SHOX2: variants seen among roughly 807,000 people sequenced by gnomAD.
The protein encoded by SHOX2 is SHOX homeobox 2.
A neutral mutation model predicts 31.3 loss-of-function variants in SHOX2; 13 were observed. The ratio of observed to expected loss-of-function variants is 0.42; its 90% CI spans 0.27 to 0.66. The LOEUF is 0.66. Ranked by LOEUF, SHOX2 falls within the 30% of genes least tolerant of loss-of-function variation. The pLI is 0.27. For synonymous variants in SHOX2, 244 were observed against 196.2 expected (o/e 1.24, Z -2.04); for missense variants, 473 against 443.0 (o/e 1.07, Z -0.61).
intron 1 of SHOX2, chr3:158,105,023 T>TCCCCCCCCCCCCCCACCCCCCCCC: frequency 4.9e-6 from 1 of 204,910 alleles, no homozygotes; most frequent in Non-Finnish European, 9.0e-6. Flanking sequence ...GATCCCCACC[T>TCCCCCCCCCCCCCCACCCCCCCCC]CCCCCGCCGC....
chr3:158,099,790 G>T (rs561460082), intron 4 of SHOX2, 70 bp downstream of exon 4: 3 of 1,135,400 alleles, frequency 2.6e-6, no homozygotes, highest in Non-Finnish European at 4.0e-6. Context: ...GACAGGTGAT[G>T]TTCAACAGTT....
chr3:158,100,004 G>T, intron 3 of SHOX2, 56 bp from the exon 4 acceptor site: 1 of 1,404,256 alleles, frequency 7.1e-7, no homozygotes, highest in Non-Finnish European at 1.0e-6. Context: ...GCATTTTTCA[G>T]GGTTCCAAAG....
At position 158,104,819 on chromosome 3, in the gene SHOX2, T is replaced by C. The variant is rs182548940; in HGVS notation, c.346+860A>G. ...CCACATATTTTCTTAATTGGAAAAA[T>C]ATGGCAGTACACCAGTTACTGCAGG... is the stretch of plus-strand genomic sequence containing the variant. On this transcript the variant is annotated intron_variant, in intron 1 of 4. Transcript: ENST00000483851. Among the ~76,000 whole-genome samples, 40 of 152,270 alleles carry C rather than the reference T, an allele frequency of 2.6e-4. 1 individual carries two copies. Among genetic ancestry groups the C allele is most frequent in the African/African-American group, 9.6e-4 (40 of 41,540 alleles).
chr3:158,106,144 G>C lies in SHOX2; in HGVS notation c.-120C>G. On this transcript the variant is annotated 5_prime_UTR_variant, in exon 1 of 5. Transcript: ENST00000483851. The stretch of plus-strand genomic sequence containing the variant: ...ATAACACATCAATGGGACAGGAGGT[G>C]GGGGAGGAGAGGGAGGAGGAGAAAG... 6.7e-7 allele frequency: 1 copy of C among 1,488,960 alleles called. No homozygotes were observed. The highest frequency in any genetic ancestry group is 9.0e-7 in the Non-Finnish European group (1 of 1,109,490). The allele number at this position is 1,488,960 out of a possible 1,614,324, so 92.2% of individuals were successfully genotyped here.
intron 1 of SHOX2, chr3:158,105,326 G>C (rs1713819589): frequency 1.7e-6 from 1 of 587,676 alleles, no homozygotes. Flanking sequence ...ACCCCCTCCT[G>C]CAGCCCGGCC....
chr3:158,105,910 C>G lies in SHOX2; in HGVS notation c.115G>C (p.Glu39Gln), dbSNP rs772067593. ...CCCGCCTCGGTGCAGCCGGTCGGCT[C>G]CTTGGCCCCGCGCAGCGGCCCGCTC... Reference protein sequence around the residue: ...LESGPLRGAKEPTGCTEAGRD... With the variant: ...LESGPLRGAKQPTGCTEAGRD... The change falls in exon 1 of 5, where the codon GAG becomes CAG. Residue 39 changes from glutamate to glutamine, a missense_variant. By Grantham distance (29) the Glu-to-Gln change is conservative. This residue lies in a region of SHOX2 where 276 missense variants were observed against 230.0 expected (regional missense o/e 1.20). Transcript: ENST00000483851. The G allele has an allele frequency of 1.4e-5, 22 of 1,602,800 alleles. No individual in the cohort carries two copies. In the South Asian group the frequency reaches 2.3e-4, roughly 17 times the overall value.
intron 1 of SHOX2, chr3:158,103,563 C>A (rs148215002): frequency 6.5e-6 from 1 of 152,726 alleles, no homozygotes; most frequent in Non-Finnish European, 1.5e-5. Context: ...CCCTGGACAG[C>A]CAGGTAATCT....
rs760193324 is a variant in SHOX2 at position 158,105,857 on chromosome 3, G to A, written c.168C>T (p.Val56=). 3 of 1,456,552 alleles carry A rather than the reference G, an allele frequency of 2.1e-6. No homozygotes were observed. The highest frequency in any genetic ancestry group is 2.7e-6 in the Non-Finnish European group (3 of 1,109,526). The allele number at this position is 1,456,552 out of a possible 1,614,324, so 90.2% of individuals were successfully genotyped here. ...AGRDDRSSPA[V]RAAGGGGGGG... ...CGCCGCCGCCTCCGCCGGCCGCCCG[G>A]ACTGCCGGGCTGCTGCGGTCGTCGC... Residue 56 remains valine (V), a synonymous_variant, in exon 1 of 5, where the codon GTC becomes GTT. Coordinates refer to ENST00000483851, the MANE Select transcript of SHOX2 (RefSeq NM_001163678.2).
In SHOX2 at chr3:158,095,945, A is replaced by C. The variant is rs1713037562; in HGVS notation, c.*2082T>G. The stretch of plus-strand genomic sequence containing the variant: ...TATATTCGAGAGAGTGATACGCATT[A>C]ATCAAAAGGGAAAGACTATCCCGGA... On this transcript the variant is annotated 3_prime_UTR_variant, in exon 5 of 5. Transcript: ENST00000483851. 6.6e-6 allele frequency: 1 copy of C among 152,574 alleles called. No individual in the cohort carries two copies. Among genetic ancestry groups the C allele is most frequent in the Non-Finnish European group, 1.5e-5 (1 of 68,044 alleles). 9.5% of individuals were successfully genotyped at this position (152,574 alleles called of 1,614,324 possible).
chr3:158,105,642 A>T, intron 1 of SHOX2, 37 bp downstream of exon 1: 1 of 1,495,830 alleles, frequency 6.7e-7, no homozygotes, highest in Non-Finnish European at 8.9e-7. Flanking sequence ...GGAAGGCGGG[A>T]AGGGGAACCG....
rs761506278 is a variant in SHOX2, at chr3:158,106,035, C to G, written c.-11G>C. 1.9e-6 allele frequency: 3 copies of G among 1,612,284 alleles called. No homozygotes were observed. The highest frequency in any genetic ancestry group is 2.2e-5 in the South Asian group (2 of 91,082). On this transcript the variant is annotated 5_prime_UTR_variant, in exon 1 of 5. Coordinates refer to ENST00000483851, the MANE Select transcript of SHOX2 (RefSeq NM_001163678.2). ...CGTAAGTTCTTCCATCGCCGCCGCACGTCAGCCCGGCGCTCAACCTCTGCC... is the reference window on the plus strand; with the variant it reads ...CGTAAGTTCTTCCATCGCCGCCGCAGGTCAGCCCGGCGCTCAACCTCTGCC...
In SHOX2 at chr3:158,096,924, A is replaced by ATATATATATATATATATATATC. The variant is rs1466365906; in HGVS notation, c.*1102_*1103insGATATATATATATATATATATA. On this transcript the variant is annotated 3_prime_UTR_variant, in exon 5 of 5. Coordinates refer to ENST00000483851, the MANE Select transcript of SHOX2 (RefSeq NM_001163678.2). The stretch of plus-strand genomic sequence containing the variant: ...TATATATATATATATATATATATAT[A>ATATATATATATATATATATATC]TATATATGGCAAATATATGATATAT... 1 of 126,244 alleles carries ATATATATATATATATATATATC rather than the reference A, an allele frequency of 7.9e-6. No individual in the cohort carries two copies. The highest frequency in any genetic ancestry group is 2.5e-4 in the East Asian group (1 of 3,986). 7.8% of individuals were successfully genotyped at this position (126,244 alleles called of 1,614,324 possible).
rs941618513 is a variant in SHOX2, at chr3:158,103,172, A to G, written c.347-286T>C. On this transcript the variant is annotated intron_variant, in intron 1 of 4. Transcript: ENST00000483851. ...ACGTACCTCGACTCACCGCCTCACTATTCACCCCCCAGTCACCGGCCTTCC... is the reference window on the plus strand; with the variant it reads ...ACGTACCTCGACTCACCGCCTCACTGTTCACCCCCCAGTCACCGGCCTTCC... 1.4e-5 allele frequency: 7 copies of G among 503,254 alleles called. No individual in the cohort carries two copies. The Admixed American group carries it at 2.0e-4, about 14-fold the overall frequency. 31.2% of individuals were successfully genotyped at this position (503,254 alleles called of 1,614,324 possible).
rs767017237 is a variant in SHOX2 at position 158,097,752 on chromosome 3, C to A, written c.*275G>T. 96 of 486,682 alleles carry A rather than the reference C, an allele frequency of 2.0e-4. No individual in the cohort carries two copies. The highest frequency in any genetic ancestry group is 2.5e-4 in the Non-Finnish European group (68 of 272,914). 30.1% of individuals were successfully genotyped at this position (486,682 alleles called of 1,614,324 possible). ...CTCCCCTGTCCAGTCTCTCTCCAGA[C>A]TCCCCCAAACCCGCTCCTACAAAAC... On this transcript the variant is annotated 3_prime_UTR_variant, in exon 5 of 5. Coordinates refer to ENST00000483851, the MANE Select transcript of SHOX2 (RefSeq NM_001163678.2).
intron 3 of SHOX2, 51 bp downstream of exon 3, chr3:158,100,203 T>G (rs781194367): frequency 1.4e-6 from 2 of 1,382,926 alleles, no homozygotes; most frequent in Non-Finnish European, 2.0e-6. Flanking sequence ...TAATATTCAC[T>G]ACTTCTCTCT....
At position 158,096,923 on chromosome 3, in the gene SHOX2, T is replaced by C. The variant is rs1350060598; in HGVS notation, c.*1104A>G. ...ATATATATATATATATATATATATA[T>C]ATATATATGGCAAATATATGATATA... On this transcript the variant is annotated 3_prime_UTR_variant, in exon 5 of 5. Transcript: ENST00000483851. 3 of 126,530 alleles carry C rather than the reference T, an allele frequency of 2.4e-5. No homozygotes were observed. Among genetic ancestry groups the C allele is most frequent in the Non-Finnish European group, 5.0e-5 (3 of 60,522 alleles). 7.8% of individuals were successfully genotyped at this position (126,530 alleles called of 1,614,324 possible).
Position 158,097,821 on chromosome 3 carries a change from A to T in SHOX2, c.*206T>A. 1.5e-6 allele frequency: 1 copy of T among 677,960 alleles called. No individual in the cohort carries two copies. Among genetic ancestry groups the T allele is most frequent in the Non-Finnish European group, 2.5e-6 (1 of 404,060 alleles). 42.0% of individuals were successfully genotyped at this position (677,960 alleles called of 1,614,324 possible). A position where few individuals can be genotyped will look rare whatever the true frequency, so the allele number is the denominator to read the frequency against. Reference sequence around the variant, plus strand: ...GTAGGAAAACGGGCAGGAGCCACGGAGCCTGCGTGCCTCGTGAGATCCCTG... The same window carrying T: ...GTAGGAAAACGGGCAGGAGCCACGGTGCCTGCGTGCCTCGTGAGATCCCTG... On this transcript the variant is annotated 3_prime_UTR_variant, in exon 5 of 5. Coordinates refer to ENST00000483851, the MANE Select transcript of SHOX2 (RefSeq NM_001163678.2).
At position 158,105,664 on chromosome 3, in the gene SHOX2, C is replaced by T; in HGVS notation, c.346+15G>A. The T allele has an allele frequency of 3.9e-6, 6 of 1,519,664 alleles. No homozygotes were observed. Among genetic ancestry groups the T allele is most frequent in the Non-Finnish European group, 5.3e-6 (6 of 1,135,998 alleles). 94.1% of individuals were successfully genotyped at this position (1,519,664 alleles called of 1,614,324 possible). ...GGGAAGGGGAACCGCTGCCGGGGGTCAGTCAGGTCGTTACCCTCCGTCAGT... is the reference window on the plus strand; with the variant it reads ...GGGAAGGGGAACCGCTGCCGGGGGTTAGTCAGGTCGTTACCCTCCGTCAGT... On this transcript the variant is annotated intron_variant, in intron 1 of 4. Coordinates refer to ENST00000483851, the MANE Select transcript of SHOX2 (RefSeq NM_001163678.2).
At chr3:158,100,183 A>C (rs1713409186) in intron 3 of SHOX2, 71 bp downstream of exon 3, 1 of 1,281,634 alleles carries the variant, frequency 7.8e-7, no homozygotes, top group African/African-American at 1.5e-5. Context: ...TTTTTCTGTC[A>C]TTGTAATAGT....
Sources: gnomAD v4.1 joint callset for allele counts (sites outside exome capture counted in the v4.1 genomes callset) on GRCh38, gnomAD v4.1.1 for gene constraint, gnomAD v4.1.1 regional missense constraint, MANE v1.5 for transcripts, NCBI Gene and HGNC (gene_info 2026-07-23, HGNC 2026-07-21) for gene names.